The following RIMS3 variants were observed in gnomAD, a reference collection of about 807,000 sequenced individuals.
The protein encoded by RIMS3 is regulating synaptic membrane exocytosis protein 3.
RIMS3 carries 15 observed loss-of-function variants against 29.2 expected under a neutral mutation model. The ratio of observed to expected loss-of-function variants is 0.51; its 90% CI spans 0.34 to 0.79. RIMS3 has a LOEUF of 0.79. RIMS3 is among the 30% of genes least tolerant of loss of function. The pLI is 0.01. For missense variants in RIMS3, 342 were observed against 421.4 expected (o/e 0.81, Z 1.65); for synonymous variants, 161 against 170.1 (o/e 0.95, Z 0.41).
Position 40,622,905 on chromosome 1 carries a change from C to T in RIMS3, c.*3612G>A, listed in dbSNP as rs17412556. The T allele has an allele frequency of 0.13, 19,933 of 152,744 alleles. 1,399 individuals are homozygous for T. The highest frequency in any genetic ancestry group is 0.15 in the Middle Eastern group (44 of 296). 9.5% of individuals were successfully genotyped at this position (152,744 alleles called of 1,614,324 possible). ...GGTTGCATGTCAGGGCTCCTGGTAA[C>T]GTAGGCTAAGATTGTGCTACATTTC... is the stretch of plus-strand genomic sequence containing the variant. On this transcript the variant is annotated 3_prime_UTR_variant, in exon 8 of 8. Coordinates refer to ENST00000372684, the MANE Select transcript of RIMS3 (RefSeq NM_014747.3).
chr1:40,654,283 C>A lies in RIMS3; in HGVS notation c.-206-6441G>T, dbSNP rs1642240795. ...GCGCCGCCCGCGCCTGCTGCCCACC[C>A]TGGGGACCCTCCTCAGAAACCCAGC... On this transcript the variant is annotated intron_variant, in intron 1 of 7. Transcript: ENST00000372684. This position sits in a 1 kb window ranked among gnomAD's most constrained non-coding sequence, Gnocchi z 5.3. 6.6e-6 allele frequency among the ~76,000 whole-genome samples: 1 copy of A among 152,212 alleles called. No individual in the cohort carries two copies. The highest frequency in any genetic ancestry group is 2.4e-5 in the African/African-American group (1 of 41,446).
the RIMS3 span, among the ~76,000 whole-genome samples, chr1:40,690,008 T>C: frequency 6.6e-6 from 1 of 152,202 alleles, no homozygotes; most frequent in Non-Finnish European, 1.5e-5. Flanking sequence ...TTGTTAAATA[T>C]ACTTAATATC....
intron 5 of RIMS3, among the ~76,000 whole-genome samples, chr1:40,631,479 C>G (rs545863155): frequency 1.9e-4 from 29 of 152,266 alleles, no homozygotes; most frequent in African/African-American, 7.0e-4. Flanking sequence ...TCAAGACCAG[C>G]CTGGGCAACA....
At chr1:40,677,514 C>T in the RIMS3 span, among the ~76,000 whole-genome samples, 79,294 of 150,032 alleles carry the variant, frequency 0.53, 21,299 homozygotes, top group Non-Finnish European at 0.59. Flanking sequence ...CTGGCTAACA[C>T]GGTGAAACCC....
chr1:40,674,805 C>G, the RIMS3 span, among the ~76,000 whole-genome samples: 1 of 152,332 alleles, frequency 6.6e-6, no homozygotes, highest in South Asian at 2.1e-4. Context: ...ACCCCTAAAC[C>G]TTAGACTTAC....
chr1:40,664,058 C>A (rs979631544), intron 1 of RIMS3, among the ~76,000 whole-genome samples: 3 of 152,220 alleles, frequency 2.0e-5, no homozygotes, highest in African/African-American at 7.2e-5. Flanking sequence ...TTAACCAACT[C>A]TGGGCTTCAT....
the RIMS3 span, among the ~76,000 whole-genome samples, chr1:40,683,906 C>T: frequency 2.0e-5 from 3 of 152,216 alleles, no homozygotes; most frequent in Admixed American, 6.5e-5. Context: ...ATCCTTTACT[C>T]CTACTTTTCT....
the RIMS3 span, chr1:40,687,577 C>T: frequency 0.78 from 114,734 of 146,194 alleles, 45,619 homozygotes; most frequent in African/African-American, 0.9. Flanking sequence ...ACTGCAGCCC[C>T]GGCAACAAGA....
chr1:40,672,580 G>A, the RIMS3 span, among the ~76,000 whole-genome samples: 1 of 152,226 alleles, frequency 6.6e-6, no homozygotes, highest in Non-Finnish European at 1.5e-5. Context: ...CAGAGACAGA[G>A]AGAAAATCGA....
intron 7 of RIMS3, among the ~76,000 whole-genome samples, 167 bp from the exon 8 acceptor site, chr1:40,626,896 T>A (rs1005517606): frequency 6.6e-6 from 1 of 152,208 alleles, no homozygotes; most frequent in Non-Finnish European, 1.5e-5. Context: ...GTGTGTTAGA[T>A]ACGATCCTAT....
At chr1:40,632,863 T>C (rs1646498103) in intron 5 of RIMS3, among the ~76,000 whole-genome samples, 1 of 152,202 alleles carries the variant, frequency 6.6e-6, no homozygotes, top group Non-Finnish European at 1.5e-5. Flanking sequence ...AAAGTATTGT[T>C]AGAGCATAGA....
At chr1:40,642,693 T>A (rs570576080) in intron 2 of RIMS3, among the ~76,000 whole-genome samples, 2 of 152,076 alleles carry the variant, frequency 1.3e-5, no homozygotes. Context: ...CAGTGGCTCA[T>A]GCCTGTAATC....
At chr1:40,649,996 G>C (rs1424173860) in intron 1 of RIMS3, among the ~76,000 whole-genome samples, 3 of 127,906 alleles carry the variant, frequency 2.3e-5, no homozygotes, top group African/African-American at 1.1e-4. Context: ...AGACCTACAA[G>C]ACTGAGCCCC....
rs1482807328 is a variant in RIMS3 at position 40,626,268 on chromosome 1, A to G, written c.*249T>C. ...AAGAGACGTGGAGACATTTCAGCCC[A>G]TATCATCACCAGGAGTGACTATACC... On this transcript the variant is annotated 3_prime_UTR_variant, in exon 8 of 8. Transcript: ENST00000372684. 5.3e-6 allele frequency: 3 copies of G among 567,474 alleles called. No individual in the cohort carries two copies. The highest frequency in any genetic ancestry group is 9.5e-6 in the Non-Finnish European group (3 of 315,212). The allele number at this position is 567,474 out of a possible 1,614,324, so 35.2% of individuals were successfully genotyped here. A position where few individuals can be genotyped will look rare whatever the true frequency, so the allele number is the denominator to read the frequency against.
At chr1:40,655,937 C>T (rs1316320562) in intron 1 of RIMS3, among the ~76,000 whole-genome samples, 1 of 152,226 alleles carries the variant, frequency 6.6e-6, no homozygotes, top group Non-Finnish European at 1.5e-5. Context: ...CGCTTGAACC[C>T]AGGAGGCAGA....
the RIMS3 span, among the ~76,000 whole-genome samples, chr1:40,688,165 A>G: frequency 6.6e-6 from 1 of 152,064 alleles, no homozygotes; most frequent in Non-Finnish European, 1.5e-5. Context: ...GGGTTTTACC[A>G]TGTTGATCAG....
At chr1:40,679,010 G>A in the RIMS3 span, among the ~76,000 whole-genome samples, 2 of 152,222 alleles carry the variant, frequency 1.3e-5, no homozygotes, top group Non-Finnish European at 2.9e-5. Context: ...CCAAGACCTG[G>A]AGAATCAAAA....
chr1:40,688,631 T>C, the RIMS3 span, among the ~76,000 whole-genome samples: 11 of 152,158 alleles, frequency 7.2e-5, no homozygotes, highest in South Asian at 2.1e-4. Flanking sequence ...TGGGTGAACA[T>C]AGAGGAAAGC....
At chr1:40,629,577 T>C (rs1646476786) in intron 5 of RIMS3, among the ~76,000 whole-genome samples, 1 of 152,056 alleles carries the variant, frequency 6.6e-6, no homozygotes, top group South Asian at 2.1e-4. Flanking sequence ...TTGGGGTGGG[T>C]TGGGGTAGGG....
Sources: gnomAD v4.1 joint callset for allele counts (sites outside exome capture counted in the v4.1 genomes callset) on GRCh38, gnomAD v4.1.1 for gene constraint, Gnocchi (gnomAD v3.1) non-coding constraint, MANE v1.5 for transcripts, NCBI Gene and HGNC (gene_info 2026-07-23, HGNC 2026-07-21) for gene names.